Variants in PLS3 observed in about 807,000 individuals in gnomAD.
PLS3 encodes plastin 3.
PLS3 carries 11 observed loss-of-function variants against 46.5 expected under a neutral mutation model. The observed-to-expected ratio is 0.24, with a 90% CI of 0.15 to 0.39. The LOEUF (loss-of-function observed/expected upper bound fraction) is 0.39, where lower values mean the gene tolerates loss of function less well. Ranked by LOEUF, PLS3 falls within the 10% of genes least tolerant of loss-of-function variation. The pLI, the probability that PLS3 is intolerant of heterozygous loss-of-function variation, is 1.00. For synonymous variants in PLS3, 167 were observed against 162.2 expected (o/e 1.03, Z -0.22); for missense variants, 308 against 461.8 (o/e 0.67, Z 3.05).
At chrX:115,626,277 T>C (rs1033513773) in intron 3 of PLS3, among the ~76,000 whole-genome samples, 3 of 110,587 alleles carry the variant, frequency 2.7e-5, no homozygotes, top group Non-Finnish European at 5.7e-5. Context: ...TTCTTTCTTA[T>C]CATTTTTACT....
At chrX:115,574,500 G>A (rs1326287736) in intron 1 of PLS3, among the ~76,000 whole-genome samples, 2 of 112,088 alleles carry the variant, frequency 1.8e-5, no homozygotes, top group Non-Finnish European at 3.8e-5. Flanking sequence ...TGTGAGAACT[G>A]CTAAACTGTA....
intron 1 of PLS3, among the ~76,000 whole-genome samples, chrX:115,572,379 T>A (rs781929538): frequency 4.4e-4 from 49 of 111,105 alleles, no homozygotes; most frequent in Non-Finnish European, 8.9e-4. Context: ...CTAGAATATA[T>A]CTAGTAGGTG....
At chrX:115,573,667 C>T (rs1295024974) in intron 1 of PLS3, among the ~76,000 whole-genome samples, 1 of 111,792 alleles carries the variant, frequency 8.9e-6, no homozygotes, top group African/African-American at 3.2e-5. Context: ...GTATAGCTGA[C>T]ACCTTAATTT....
chrX:115,578,691 C>CAAAAAAAAAAAAAAAAAAA (rs373605509), intron 1 of PLS3, among the ~76,000 whole-genome samples: 2 of 26,968 alleles, frequency 7.4e-5, no homozygotes, highest in Non-Finnish European at 1.4e-4. Context: ...CGCCACTGCA[C>CAAAAAAAAAAAAAAAAAAA]AAAAAAAAAA....
chrX:115,579,205 T>C (rs1241414680), intron 1 of PLS3, among the ~76,000 whole-genome samples: 8 of 112,110 alleles, frequency 7.1e-5, no homozygotes, highest in African/African-American at 1.9e-4. Flanking sequence ...TGAGCGTAAT[T>C]CTCTTAGAGA....
In PLS3 at chrX:115,635,006, G is replaced by A. The variant is rs1189994704; in HGVS notation, c.708G>A (p.Lys236=). The A allele has an allele frequency of 1.7e-6, 2 of 1,208,577 alleles. No individual in the cohort carries two copies. The highest frequency in any genetic ancestry group is 2.2e-6 in the Non-Finnish European group (2 of 894,465). The change falls in exon 7 of 16, where the codon AAG becomes AAA. Residue 236 remains lysine (K), a synonymous_variant. Transcript: ENST00000355899. ...LVLGLLWQII[K]IGLFADIELS... ...TGGGACTGCTTTGGCAGATCATTAAGATCGGTTTGTTCGCTGACATTGAAT... is the reference window on the plus strand; with the variant it reads ...TGGGACTGCTTTGGCAGATCATTAAAATCGGTTTGTTCGCTGACATTGAAT...
chrX:115,649,433 G>A lies in PLS3; in HGVS notation c.1765G>A (p.Ala589Thr). Residue 589 changes from alanine (A) to threonine (T), a missense_variant, in exon 16 of 16, where the codon GCA becomes ACA. Coordinates refer to ENST00000355899, the MANE Select transcript of PLS3 (RefSeq NM_005032.7). ...TTTTGTTTCCCCCTAAAATAGGTAT[G>A]CAGTGTCAATGGCTAGAAGAATCGG... ...EDDKHNNAKYAVSMARRIGAR... is the reference protein window; with the variant it reads ...EDDKHNNAKYTVSMARRIGAR... 8.3e-7 allele frequency: 1 copy of A among 1,204,619 alleles called. No homozygotes were observed. The highest frequency in any genetic ancestry group is 1.1e-6 in the Non-Finnish European group (1 of 890,830).
chrX:115,642,101 A>G (rs1556641085), intron 9 of PLS3, among the ~76,000 whole-genome samples: 1 of 96,492 alleles, frequency 1.0e-5, no homozygotes, highest in Non-Finnish European at 2.0e-5. Flanking sequence ...CTGGTTTCGA[A>G]CTCCTGGGCT....
chrX:115,564,002 CAG>C (rs1356368199), intron 1 of PLS3, among the ~76,000 whole-genome samples: 3 of 111,907 alleles, frequency 2.7e-5, no homozygotes, highest in African/African-American at 9.7e-5. Flanking sequence ...CATGTCTAAA[CAG>C]AATCATCGCT....
At chrX:115,619,638 G>A (rs1322570713) in intron 2 of PLS3, among the ~76,000 whole-genome samples, 2 of 112,867 alleles carry the variant, frequency 1.8e-5, no homozygotes, top group Non-Finnish European at 3.7e-5. Flanking sequence ...GAAATTAAGT[G>A]CTTTACCTCA....
At chrX:115,567,622 C>A (rs781983783) in intron 1 of PLS3, among the ~76,000 whole-genome samples, 53 of 100,429 alleles carry the variant, frequency 5.3e-4, no homozygotes, top group South Asian at 3.2e-3. Flanking sequence ...AACAAACAAA[C>A]AAAAAAAAAC....
Position 115,645,047 on chromosome X carries a change from C to G in PLS3, c.1210C>G (p.Arg404Gly). 8.4e-7 allele frequency: 1 copy of G among 1,196,364 alleles called. No homozygotes were observed. The highest frequency in any genetic ancestry group is 1.1e-6 in the Non-Finnish European group (1 of 882,094). Reference sequence around the variant, plus strand: ...AGAAACTCGTGAAGAAAGAACCTTCCGTAACTGGATGAACTCTCTTGGTGT... The same window carrying G: ...AGAAACTCGTGAAGAAAGAACCTTCGGTAACTGGATGAACTCTCTTGGTGT... ...EGETREERTF[R>G]NWMNSLGVNP... is the part of the protein sequence containing the mutation. The change falls in exon 11 of 16, where the codon CGT (arginine) becomes GGT (glycine). Residue 404 changes from arginine (R) to glycine (G), a missense_variant. By Grantham distance (125) the Arg-to-Gly change is moderately radical. This residue lies in a region of PLS3 where 271 missense variants were observed against 435.7 expected (regional missense o/e 0.62). Coordinates refer to ENST00000355899, the MANE Select transcript of PLS3 (RefSeq NM_005032.7).
intron 1 of PLS3, among the ~76,000 whole-genome samples, chrX:115,582,112 T>A (rs1269038500): frequency 1.8e-5 from 2 of 112,548 alleles, no homozygotes; most frequent in Non-Finnish European, 3.7e-5. Flanking sequence ...TTATTTTGTC[T>A]AATGAAAGAC....
chrX:115,606,609 C>T (rs781954481), intron 1 of PLS3, among the ~76,000 whole-genome samples: 130 of 111,208 alleles, frequency 1.2e-3, no homozygotes, highest in African/African-American at 4.1e-3. Context: ...TTTTAGATTT[C>T]TGAGATGGTC....
At chrX:115,595,772 T>A (rs1037042552) in intron 1 of PLS3, among the ~76,000 whole-genome samples, 3 of 94,805 alleles carry the variant, frequency 3.2e-5, no homozygotes, top group Non-Finnish European at 4.1e-5. Flanking sequence ...TCATGCAACC[T>A]CCACCTCCCG....
At chrX:115,636,815 A>ATTTTTTTTTTTTTTTTTTTTTTTT in intron 7 of PLS3, 21 bp from the exon 8 acceptor site, 1 of 917,599 alleles carries the variant, frequency 1.1e-6, no homozygotes, top group Non-Finnish European at 1.5e-6. Context: ...TAACTGTGGG[A>ATTTTTTTTTTTTTTTTTTTTTTTT]TTTTTTTTTT....
rs1228710922 is a variant in PLS3 at position 115,634,824 on chromosome X, A to C, written c.583-57A>C. 2.8e-6 allele frequency: 3 copies of C among 1,056,990 alleles called. No individual in the cohort carries two copies. In the Admixed American group the frequency reaches 7.9e-5, roughly 28 times the overall value. 87.1% of individuals were successfully genotyped at this position (1,056,990 alleles called of 1,213,427 possible). A position where few individuals can be genotyped will look rare whatever the true frequency, so the allele number is the denominator to read the frequency against. On this transcript the variant is annotated intron_variant, in intron 6 of 15. Transcript: ENST00000355899. ...GTTATTTTCAGTGAAGGGAGAAAGT[A>C]GACTGCTAAAAAATGGAAAGGTCAA... is the stretch of plus-strand genomic sequence containing the variant.
intron 9 of PLS3, among the ~76,000 whole-genome samples, chrX:115,641,225 CTTTTTTT>C (rs35431475): frequency 2.4e-5 from 2 of 82,420 alleles, no homozygotes; most frequent in African/African-American, 9.8e-5. Context: ...TCTTCTCTTT[CTTTTTTT>C]TTTTTTTTTT....
At chrX:115,636,815 A>ATTTTT in intron 7 of PLS3, 21 bp from the exon 8 acceptor site, 1 of 917,596 alleles carries the variant, frequency 1.1e-6, no homozygotes, top group Non-Finnish European at 1.5e-6. Flanking sequence ...TAACTGTGGG[A>ATTTTT]TTTTTTTTTT....
Sources: gnomAD v4.1 joint callset for allele counts (sites outside exome capture counted in the v4.1 genomes callset) on GRCh38, gnomAD v4.1.1 for gene constraint, gnomAD v4.1.1 regional missense constraint, MANE v1.5 for transcripts, NCBI Gene and HGNC (gene_info 2026-07-23, HGNC 2026-07-21) for gene names.